CTDSPL2: variants seen among roughly 807,000 people sequenced by gnomAD.
The protein encoded by CTDSPL2 is CTD small phosphatase like 2, also known as CTD small phosphatase-like protein 2.
Under a neutral mutation model 60.0 loss-of-function variants are expected in CTDSPL2, and 5 were observed. That is an observed-to-expected ratio of 0.08 (90% CI 0.04 to 0.18). CTDSPL2 has a LOEUF of 0.18. Ranked by LOEUF, CTDSPL2 falls within the 10% of genes least tolerant of loss-of-function variation. The pLI is 1.00. For synonymous variants in CTDSPL2, 186 were observed against 189.3 expected, an observed-to-expected ratio of 0.98 and a Z score of 0.14; for missense variants, 370 against 548.8, an observed-to-expected ratio of 0.67 and a Z score of 3.26.
At position 44,436,113 on chromosome 15, in the gene CTDSPL2, A is replaced by C. The variant is rs560445256; in HGVS notation, c.-25+8341A>C. On this transcript the variant is annotated intron_variant, in intron 1 of 12. Transcript: ENST00000260327. ...CAGATTAGTCAGGCTAGAAATGTAG[A>C]CTAAGTGGAAACATGCTGCTACTTT... Among the ~76,000 whole-genome samples, 17 of 152,284 alleles carry C rather than the reference A, an allele frequency of 1.1e-4. 1 individual carries two copies. The East Asian group carries it at 2.7e-3, about 24-fold the overall frequency.
At chr15:44,431,124 C>CTTT (rs747235503) in intron 1 of CTDSPL2, among the ~76,000 whole-genome samples, 1 of 139,734 alleles carries the variant, frequency 7.2e-6, no homozygotes. Context: ...ATCTGGCCCA[C>CTTT]TTTTTTTTTT....
chr15:44,476,596 T>G (rs893533736), intron 2 of CTDSPL2, among the ~76,000 whole-genome samples: 2 of 152,178 alleles, frequency 1.3e-5, no homozygotes, highest in Non-Finnish European at 2.9e-5. Flanking sequence ...ATATTTTTAC[T>G]GTACTTTTTT....
At chr15:44,476,213 C>T (rs146515067) in intron 2 of CTDSPL2, among the ~76,000 whole-genome samples, 127 of 152,102 alleles carry the variant, frequency 8.3e-4, no homozygotes, top group African/African-American at 2.6e-3. Flanking sequence ...GGACTACAGG[C>T]GCCCACCACC....
rs369019652 is a variant in CTDSPL2, at chr15:44,472,955, C to G, written c.187-11269C>G. Among the ~76,000 whole-genome samples the G allele has an allele frequency of 4.5e-3, 682 of 152,334 alleles. 4 individuals carry two copies. The highest frequency in any genetic ancestry group is 0.016 in the African/African-American group (648 of 41,570). ...GGATTACAGGCTTGAGTCACTGCGC[C>G]AGGCCTAATTTTTGTATTTTTTGTA... is the stretch of plus-strand genomic sequence containing the variant. On this transcript the variant is annotated intron_variant, in intron 2 of 12. Transcript: ENST00000260327.
At chr15:44,517,197 C>G (rs2081669315) in intron 10 of CTDSPL2, 1 of 150,572 alleles carries the variant, frequency 6.6e-6, no homozygotes, top group Non-Finnish European at 1.5e-5. Context: ...GTGTTGGTGA[C>G]AAGGTAGACT....
chr15:44,479,663 C>T (rs867209292), intron 2 of CTDSPL2, among the ~76,000 whole-genome samples: 35 of 151,998 alleles, frequency 2.3e-4, no homozygotes, highest in African/African-American at 8.5e-4. Flanking sequence ...CCTGCCTCGA[C>T]CTCCCAACGT....
At chr15:44,437,501 A>G (rs924178542) in intron 1 of CTDSPL2, among the ~76,000 whole-genome samples, 1 of 152,196 alleles carries the variant, frequency 6.6e-6, no homozygotes, top group Non-Finnish European at 1.5e-5. Flanking sequence ...GGGGAAGGAA[A>G]TCTTATGAGG....
chr15:44,456,881 T>TTG (rs1555432251), intron 1 of CTDSPL2, among the ~76,000 whole-genome samples: 3,123 of 145,854 alleles, frequency 0.021, 105 homozygotes, highest in African/African-American at 0.078. Flanking sequence ...TTTTTTTGTT[T>TTG]TTTTTTCTTT....
At chr15:44,505,805 TAGA>T (rs142892938) in intron 8 of CTDSPL2, among the ~76,000 whole-genome samples, 4,546 of 151,990 alleles carry the variant, frequency 0.03, 235 homozygotes, top group African/African-American at 0.1. Context: ...GCTATAAATT[TAGA>T]AGGTGTGACA....
chr15:44,459,878 A>C (rs528518744), intron 2 of CTDSPL2, among the ~76,000 whole-genome samples: 2 of 152,260 alleles, frequency 1.3e-5, no homozygotes, highest in African/African-American at 4.8e-5. Context: ...ATGAAGATGT[A>C]TTGCTTCGTT....
intron 1 of CTDSPL2, among the ~76,000 whole-genome samples, chr15:44,430,605 T>A (rs1029675587): frequency 6.6e-6 from 1 of 152,134 alleles, no homozygotes; most frequent in Admixed American, 6.6e-5. Flanking sequence ...GATGAGATAA[T>A]GAATAAAATG....
intron 1 of CTDSPL2, among the ~76,000 whole-genome samples, chr15:44,437,847 CATG>C (rs1304477350): frequency 6.6e-6 from 1 of 152,172 alleles, no homozygotes; most frequent in Admixed American, 6.6e-5. Flanking sequence ...GTTACTTATA[CATG>C]ATACTTGGGC....
At chr15:44,515,953 C>G (rs975463822) in intron 10 of CTDSPL2, among the ~76,000 whole-genome samples, 1 of 149,950 alleles carries the variant, frequency 6.7e-6, no homozygotes, top group Non-Finnish European at 1.5e-5. Context: ...TTCTTTCTCT[C>G]CTCTCTCTTT....
intron 1 of CTDSPL2, among the ~76,000 whole-genome samples, chr15:44,442,415 C>T (rs1014209361): frequency 2.7e-5 from 4 of 149,980 alleles, no homozygotes; most frequent in African/African-American, 9.9e-5. Context: ...CCACTGCACT[C>T]CAGCCTGGGT....
chr15:44,462,549 A>G (rs1555432982), intron 2 of CTDSPL2, among the ~76,000 whole-genome samples: 1 of 151,834 alleles, frequency 6.6e-6, no homozygotes, highest in Non-Finnish European at 1.5e-5. Flanking sequence ...AGAATTTGCT[A>G]CTATTGATCT....
chr15:44,451,660 G>T (rs189173219), intron 1 of CTDSPL2, among the ~76,000 whole-genome samples: 1 of 151,832 alleles, frequency 6.6e-6, no homozygotes, highest in Non-Finnish European at 1.5e-5. Context: ...TTGAAAACTG[G>T]CCATTTTAGA....
intron 1 of CTDSPL2, among the ~76,000 whole-genome samples, chr15:44,434,317 T>G (rs1007472231): frequency 6.6e-6 from 1 of 152,142 alleles, no homozygotes; most frequent in Non-Finnish European, 1.5e-5. Flanking sequence ...GGAGAATTGC[T>G]TGAACCTGGG....
Position 44,452,178 on chromosome 15 carries a change from C to G in CTDSPL2, c.-24-6813C>G, listed in dbSNP as rs570709212. Among the ~76,000 whole-genome samples, 9 of 152,156 alleles carry G rather than the reference C, an allele frequency of 5.9e-5. No homozygotes were observed. The East Asian group carries it at 1.7e-3, about 29-fold the overall frequency. The stretch of plus-strand genomic sequence containing the variant: ...CAAATTATATTCTGTAAAATTTTGA[C>G]AAAAAGATACTCCTATAACATTAGA... On this transcript the variant is annotated intron_variant, in intron 1 of 12. Transcript: ENST00000260327.
rs13380361 is a variant in CTDSPL2, at chr15:44,448,100, C to A, written c.-24-10891C>A. 6.9e-3 allele frequency: 1,713 copies of A among 249,872 alleles called. 34 individuals are homozygous for A. The highest frequency in any genetic ancestry group is 0.037 in the African/African-American group (1,630 of 44,452). 15.5% of individuals were successfully genotyped at this position (249,872 alleles called of 1,614,324 possible). On this transcript the variant is annotated intron_variant, in intron 1 of 12. Coordinates refer to ENST00000260327, the MANE Select transcript of CTDSPL2 (RefSeq NM_016396.3). ...TGATCCATCATGGGGCTCATGTGCT[C>A]CAGGCCAGCCCCCATACCTGCAGGA...
Sources: allele counts gnomAD v4.1 joint callset (sites outside exome capture counted in the v4.1 genomes callset), GRCh38; gene constraint gnomAD v4.1.1; transcripts MANE v1.5; gene names NCBI Gene and HGNC (gene_info 2026-07-23, HGNC 2026-07-21).